The following GABARAPL2 variants were observed in gnomAD, a reference collection of about 807,000 sequenced individuals.
The protein encoded by GABARAPL2 is GABA type A receptor associated protein like 2.
GABARAPL2 carries 11 observed loss-of-function variants against 16.9 expected under a neutral mutation model. The ratio of observed to expected loss-of-function variants is 0.65; its 90% CI spans 0.41 to 1.08. GABARAPL2 has a LOEUF of 1.08. Among genes scored for constraint, GABARAPL2 ranks in the 50% least tolerant of loss-of-function variants. GABARAPL2 has a pLI of 0.00. For missense variants in GABARAPL2, 134 were observed against 142.5 expected (o/e 0.94, Z 0.30); for synonymous variants, 57 against 50.7 (o/e 1.12, Z -0.53).
Position 75,566,382 on chromosome 16 carries a change from C to CGCCGCCGTCGCTGCCGCTGCCGCT in GABARAPL2, c.-94_-71dup, listed in dbSNP as rs994933427. 33 of 827,454 alleles carry CGCCGCCGTCGCTGCCGCTGCCGCT rather than the reference C, an allele frequency of 4.0e-5. No homozygotes were observed. Among genetic ancestry groups the CGCCGCCGTCGCTGCCGCTGCCGCT allele is most frequent in the Admixed American group, 9.0e-5 (4 of 44,688 alleles). 51.3% of individuals were successfully genotyped at this position (827,454 alleles called of 1,614,324 possible). Reference sequence around the variant, plus strand: ...CCGGAAGTCCCGCCTGCCGTGTAGTCGCCGCCGTCGCTGCCGCTGCCGCTG... The same window carrying CGCCGCCGTCGCTGCCGCTGCCGCT: ...CCGGAAGTCCCGCCTGCCGTGTAGTCGCCGCCGTCGCTGCCGCTGCCGCTGCCGCCGTCGCTGCCGCTGCCGCTG... On this transcript the variant is annotated 5_prime_UTR_variant, in exon 1 of 4. Coordinates refer to ENST00000037243, the MANE Select transcript of GABARAPL2 (RefSeq NM_007285.7).
intron 2 of GABARAPL2, among the ~76,000 whole-genome samples, chr16:75,567,256 G>C (rs1442879214): frequency 6.6e-6 from 1 of 152,164 alleles, no homozygotes; most frequent in African/African-American, 2.4e-5. Flanking sequence ...CTTGGAAGTG[G>C]TACTTGAGTC....
chr16:75,567,819 A>C (rs1172747570), intron 2 of GABARAPL2, among the ~76,000 whole-genome samples: 2 of 152,222 alleles, frequency 1.3e-5, no homozygotes, highest in Non-Finnish European at 2.9e-5. Context: ...CTCTTACATA[A>C]TTGACCACAG....
At chr16:75,573,049 T>C (rs2080925765) in intron 3 of GABARAPL2, among the ~76,000 whole-genome samples, 1 of 152,236 alleles carries the variant, frequency 6.6e-6, no homozygotes, top group African/African-American at 2.4e-5. Context: ...GCCTCTGTGC[T>C]GCAGGATCCT....
rs994548770 is a variant in GABARAPL2 at position 75,570,957 on chromosome 16, A to G, written c.263+2748A>G. Among the ~76,000 whole-genome samples the G allele has an allele frequency of 3.9e-5, 6 of 152,186 alleles. No individual in the cohort carries two copies. The South Asian group carries it at 6.2e-4, about 16-fold the overall frequency. ...TTCCTAGTCATGACGTTAGAGGGGA[A>G]CTCAGACCTGGCAGTGAATGGTCTT... is the stretch of plus-strand genomic sequence containing the variant. On this transcript the variant is annotated intron_variant, in intron 3 of 3. Transcript: ENST00000037243.
rs1368482309 is a variant in GABARAPL2 at position 75,568,093 on chromosome 16, C to T, written c.147C>T (p.Tyr49=). The T allele has an allele frequency of 6.2e-7, 1 of 1,611,358 alleles. No individual in the cohort carries two copies. Among genetic ancestry groups the T allele is most frequent in the East Asian group, 2.2e-5 (1 of 44,812 alleles). The part of the protein sequence containing the change: ...SQIVDIDKRK[Y]LVPSDITVAQ... ...TTGTTGACATTGACAAACGGAAGTACTTGGTTCCATCTGATATCACTGTGG... is the reference window on the plus strand; with the variant it reads ...TTGTTGACATTGACAAACGGAAGTATTTGGTTCCATCTGATATCACTGTGG... Residue 49 remains tyrosine, a synonymous_variant, in exon 3 of 4, where the codon TAC becomes TAT. Transcript: ENST00000037243.
intron 3 of GABARAPL2, among the ~76,000 whole-genome samples, chr16:75,573,306 T>G (rs973293694): frequency 6.6e-6 from 1 of 152,238 alleles, no homozygotes; most frequent in Non-Finnish European, 1.5e-5. Flanking sequence ...CCCAGCTCAT[T>G]TTGGCTGCAG....
In GABARAPL2 at chr16:75,577,392, A is replaced by G. The variant is rs2080956302; in HGVS notation, c.*23A>G. The G allele has an allele frequency of 2.9e-6, 4 of 1,366,990 alleles. No individual in the cohort carries two copies. The highest frequency in any genetic ancestry group is 1.4e-5 in the African/African-American group (1 of 70,292). The allele number at this position is 1,366,990 out of a possible 1,614,324, so 84.7% of individuals were successfully genotyped here. A position where few individuals can be genotyped will look rare whatever the true frequency, so the allele number is the denominator to read the frequency against. On this transcript the variant is annotated 3_prime_UTR_variant, in exon 4 of 4. Coordinates refer to ENST00000037243, the MANE Select transcript of GABARAPL2 (RefSeq NM_007285.7). The stretch of plus-strand genomic sequence containing the variant: ...TGAGGGCCATTGCTGGGCTAGGTGC[A>G]CCGTAACTGCTTGTGTATCTTGTAA...
chr16:75,570,640 G>A (rs1187097514), intron 3 of GABARAPL2, among the ~76,000 whole-genome samples: 1 of 152,186 alleles, frequency 6.6e-6, no homozygotes, highest in East Asian at 1.9e-4. Context: ...TTCTGCCTTG[G>A]AGTGGAAAAC....
chr16:75,570,816 C>T (rs933778618), intron 3 of GABARAPL2, among the ~76,000 whole-genome samples: 1 of 152,160 alleles, frequency 6.6e-6, no homozygotes, highest in African/African-American at 2.4e-5. Context: ...TCCCATTTAG[C>T]ATTGGAAAGT....
chr16:75,566,595 C>G (rs1171806197), intron 1 of GABARAPL2, 75 bp downstream of exon 1: 4 of 1,537,568 alleles, frequency 2.6e-6, no homozygotes, highest in Admixed American at 1.8e-5. Context: ...TCGGGCGGCC[C>G]TGGGCCGAGT....
At position 75,577,369 on chromosome 16, in the gene GABARAPL2, AG is replaced by A. The variant is rs541539307; in HGVS notation, c.*3del. On this transcript the variant is annotated 3_prime_UTR_variant, in exon 4 of 4. Transcript: ENST00000037243. ...GCGGAGAGAACACTTTTGGCTTCTG[AG>A]GGCCATTGCTGGGCTAGGTGCACCG... The A allele has an allele frequency of 4.3e-4, 685 of 1,582,908 alleles. 4 individuals carry two copies. The African/African-American group carries it at 8.5e-3, about 20-fold the overall frequency.
intron 2 of GABARAPL2, among the ~76,000 whole-genome samples, chr16:75,567,345 T>C (rs960140534): frequency 2.6e-5 from 4 of 152,236 alleles, no homozygotes; most frequent in African/African-American, 9.6e-5. Flanking sequence ...CCTGTCATCC[T>C]TGCCTGACCA....
intron 2 of GABARAPL2, among the ~76,000 whole-genome samples, chr16:75,567,145 G>A (rs531508958): frequency 1.1e-4 from 16 of 152,324 alleles, no homozygotes; most frequent in Admixed American, 2.6e-4. Flanking sequence ...CTGCAGCCTC[G>A]GGGCTCCCTG....
At chr16:75,571,958 G>A (rs111613175) in intron 3 of GABARAPL2, among the ~76,000 whole-genome samples, 9,372 of 152,110 alleles carry the variant, frequency 0.062, 970 homozygotes, top group African/African-American at 0.21. Flanking sequence ...GATTACAGGC[G>A]TGAGCCACTG....
intron 3 of GABARAPL2, among the ~76,000 whole-genome samples, chr16:75,572,964 G>A (rs1012442778): frequency 6.6e-6 from 1 of 152,222 alleles, no homozygotes; most frequent in Non-Finnish European, 1.5e-5. Context: ...AAGCCTTGGA[G>A]CTGCAGTGCT....
At chr16:75,575,494 G>C (rs1224914860) in intron 3 of GABARAPL2, 1 of 152,288 alleles carries the variant, frequency 6.6e-6, no homozygotes, top group African/African-American at 2.4e-5. Flanking sequence ...CTGTCGCCCA[G>C]GCTGGAGTGC....
intron 3 of GABARAPL2, among the ~76,000 whole-genome samples, chr16:75,574,570 C>G (rs1052628718): frequency 6.6e-6 from 1 of 152,074 alleles, no homozygotes; most frequent in Non-Finnish European, 1.5e-5. Flanking sequence ...CATTCTCAAC[C>G]ACCAGGGTAA....
chr16:75,569,595 G>A (rs2080903345), intron 3 of GABARAPL2, among the ~76,000 whole-genome samples: 1 of 152,148 alleles, frequency 6.6e-6, no homozygotes, highest in Non-Finnish European at 1.5e-5. Context: ...ACTTCCTGGA[G>A]GTGTTGGCTT....
At chr16:75,568,454 C>T in intron 3 of GABARAPL2, 1 of 355,390 alleles carries the variant, frequency 2.8e-6, no homozygotes, top group South Asian at 6.7e-5. Context: ...CTAAGATCTC[C>T]AAGAATCTTT....
Sources: gnomAD v4.1 joint callset for allele counts (sites outside exome capture counted in the v4.1 genomes callset) on GRCh38, gnomAD v4.1.1 for gene constraint, MANE v1.5 for transcripts, NCBI Gene and HGNC (gene_info 2026-07-23, HGNC 2026-07-21) for gene names.